The following C8orf34 variants were observed in gnomAD, a reference collection of about 807,000 sequenced individuals.
The protein encoded by C8orf34 is uncharacterized protein C8orf34.
C8orf34 carries 65 observed loss-of-function variants against 68.3 expected under a neutral mutation model. That is an observed-to-expected ratio of 0.95 (90% CI 0.78 to 1.17). C8orf34 has a LOEUF of 1.17. C8orf34 is among the 50% of genes most tolerant of loss of function. C8orf34 has a pLI of 0.00. For missense variants in C8orf34, 664 were observed against 655.4 expected, an observed-to-expected ratio of 1.01 and a Z score of -0.14; for synonymous variants, 244 against 241.2, an observed-to-expected ratio of 1.01 and a Z score of -0.11.
At chr8:68,551,636 A>G (rs1816075361) in intron 7 of C8orf34, among the ~76,000 whole-genome samples, 2 of 152,144 alleles carry the variant, frequency 1.3e-5, no homozygotes, top group South Asian at 4.1e-4. Flanking sequence ...TGGACTGGTT[A>G]AGAGAAACTG....
chr8:68,362,302 A>G (rs1483189911), intron 1 of C8orf34, among the ~76,000 whole-genome samples: 1 of 152,208 alleles, frequency 6.6e-6, no homozygotes, highest in African/African-American at 2.4e-5. Context: ...GAGTTTATAC[A>G]CATTCTCAAT....
At position 68,483,822 on chromosome 8, in the gene C8orf34, A is replaced by T. The variant is rs916400949; in HGVS notation, c.737-4201A>T. ...TACCTGATTCATGTCTACCTCTGACATGCCTGTGGGAGCCACTGCTTCTTT... is the reference window on the plus strand; with the variant it reads ...TACCTGATTCATGTCTACCTCTGACTTGCCTGTGGGAGCCACTGCTTCTTT... On this transcript the variant is annotated intron_variant, in intron 4 of 13. Coordinates refer to ENST00000518698, the MANE Select transcript of C8orf34 (RefSeq NM_052958.4). 3.3e-4 allele frequency among the ~76,000 whole-genome samples: 50 copies of T among 152,212 alleles called. 1 individual carries two copies. Among genetic ancestry groups the T allele is most frequent in the Non-Finnish European group, 1.2e-4 (8 of 68,038 alleles).
chr8:68,721,953 T>G (rs1359813555), intron 10 of C8orf34, among the ~76,000 whole-genome samples: 1 of 152,034 alleles, frequency 6.6e-6, no homozygotes, highest in East Asian at 1.9e-4. Context: ...ATAAAATTTT[T>G]TAGTTTCTAT....
intron 8 of C8orf34, among the ~76,000 whole-genome samples, chr8:68,661,817 G>C (rs1819688742): frequency 6.6e-6 from 1 of 152,044 alleles, no homozygotes; most frequent in Non-Finnish European, 1.5e-5. Flanking sequence ...TTTCCTTACT[G>C]TCTGCCTAAA....
chr8:68,341,144 T>A (rs566467004), intron 1 of C8orf34, among the ~76,000 whole-genome samples: 1 of 152,292 alleles, frequency 6.6e-6, no homozygotes, highest in African/African-American at 2.4e-5. Context: ...GCCTGGCAGA[T>A]TTGGTGTCTG....
At chr8:68,335,844 CT>C (rs577732164) in intron 1 of C8orf34, among the ~76,000 whole-genome samples, 243 of 152,228 alleles carry the variant, frequency 1.6e-3, no homozygotes, top group African/African-American at 4.4e-3. Flanking sequence ...CATTGGGAGG[CT>C]GAGGCAGCTG....
chr8:68,679,412 G>GA (rs957866271), intron 8 of C8orf34, among the ~76,000 whole-genome samples: 1 of 151,928 alleles, frequency 6.6e-6, no homozygotes, highest in Non-Finnish European at 1.5e-5. Context: ...AAACACTGAT[G>GA]AAAAAAATTT....
At chr8:68,795,870 A>T (rs998180375) in intron 12 of C8orf34, among the ~76,000 whole-genome samples, 7 of 152,168 alleles carry the variant, frequency 4.6e-5, no homozygotes, top group Admixed American at 3.9e-4. Context: ...GACAGCTGTG[A>T]TGTAACCCTA....
At position 68,419,971 on chromosome 8, in the gene C8orf34, A is replaced by G. The variant is rs569333594; in HGVS notation, c.328-19528A>G. On this transcript the variant is annotated intron_variant, in intron 1 of 13. Coordinates refer to ENST00000518698, the MANE Select transcript of C8orf34 (RefSeq NM_052958.4). ...TGTGCACATGTACCCTAAAACTTAA[A>G]GTATAATAATAAAAAAAAAAAAGAA... Among the ~76,000 whole-genome samples the G allele has an allele frequency of 4.1e-3, 616 of 150,846 alleles. 5 individuals are homozygous for G. The highest frequency in any genetic ancestry group is 0.014 in the African/African-American group (568 of 41,002).
chr8:68,762,809 G>C (rs1823057647), intron 10 of C8orf34, among the ~76,000 whole-genome samples: 2 of 152,170 alleles, frequency 1.3e-5, no homozygotes, highest in African/African-American at 4.8e-5. Flanking sequence ...TTTGGACTAA[G>C]AATTAACAGA....
chr8:68,614,626 C>A (rs1328002917), intron 7 of C8orf34, among the ~76,000 whole-genome samples: 1 of 152,106 alleles, frequency 6.6e-6, no homozygotes, highest in Non-Finnish European at 1.5e-5. Context: ...TCTGAGGGCT[C>A]TGTTGTGTTC....
At chr8:68,787,573 T>C (rs760059739) in intron 12 of C8orf34, 37 bp downstream of exon 12, 7 of 1,436,464 alleles carry the variant, frequency 4.9e-6, no homozygotes, top group Admixed American at 1.9e-5. Context: ...AAATTTCTTT[T>C]ACCAGAAGGA....
chr8:68,478,785 T>C (rs999308064), intron 4 of C8orf34, among the ~76,000 whole-genome samples: 1 of 152,208 alleles, frequency 6.6e-6, no homozygotes, highest in Non-Finnish European at 1.5e-5. Context: ...GAGAACTCAC[T>C]ATCATGAGAA....
chr8:68,635,749 T>C (rs1388177736), intron 7 of C8orf34, among the ~76,000 whole-genome samples: 1 of 152,172 alleles, frequency 6.6e-6, no homozygotes, highest in Admixed American at 6.5e-5. Context: ...ACAGTATGCC[T>C]TTGAGCAACT....
chr8:68,392,181 A>C (rs548413995), intron 1 of C8orf34, among the ~76,000 whole-genome samples: 2 of 151,522 alleles, frequency 1.3e-5, no homozygotes, highest in Non-Finnish European at 2.9e-5. Flanking sequence ...TCTTTTTATA[A>C]TTTTTTTTCA....
At chr8:68,403,251 C>T (rs1439979119) in intron 1 of C8orf34, among the ~76,000 whole-genome samples, 3 of 152,168 alleles carry the variant, frequency 2.0e-5, no homozygotes, top group Non-Finnish European at 4.4e-5. Flanking sequence ...TGTCATGCTC[C>T]ATCCCTTACT....
chr8:68,489,886 A>G (rs2129631733), intron 5 of C8orf34, among the ~76,000 whole-genome samples: 1 of 152,376 alleles, frequency 6.6e-6, no homozygotes, highest in African/African-American at 2.4e-5. Context: ...CACTAAAAAA[A>G]TATAATTTAT....
intron 10 of C8orf34, among the ~76,000 whole-genome samples, chr8:68,724,881 G>C (rs754395712): frequency 2.0e-5 from 3 of 151,714 alleles, no homozygotes; most frequent in Non-Finnish European, 2.9e-5. Context: ...TCTTTTTTGA[G>C]ACAGAGTCTA....
At chr8:68,417,403 C>T (rs1364464124) in intron 1 of C8orf34, among the ~76,000 whole-genome samples, 2 of 151,956 alleles carry the variant, frequency 1.3e-5, no homozygotes, top group Non-Finnish European at 2.9e-5. Flanking sequence ...TAGTGTCTAT[C>T]AGTCAGACTG....
Sources: gnomAD v4.1 joint callset for allele counts (sites outside exome capture counted in the v4.1 genomes callset) on GRCh38, gnomAD v4.1.1 for gene constraint, MANE v1.5 for transcripts, NCBI Gene and HGNC (gene_info 2026-07-23, HGNC 2026-07-21) for gene names.